TMEM269: variants seen among roughly 807,000 people sequenced by gnomAD.
The protein encoded by TMEM269 is transmembrane protein 269.
TMEM269 carries 12 observed loss-of-function variants against 15.8 expected under a neutral mutation model. The ratio of observed to expected loss-of-function variants is 0.76; its 90% CI spans 0.49 to 1.23. The LOEUF is 1.23. Among genes scored for constraint, TMEM269 ranks in the 50% most tolerant of loss-of-function variants. The probability of loss-of-function intolerance (pLI) is 0.00; values close to 1 mark genes in which losing one functional copy is unlikely to be tolerated. For synonymous variants in TMEM269, 93 were observed against 99.3 expected (o/e 0.94, Z 0.38); for missense variants, 211 against 245.4 (o/e 0.86, Z 0.94).
chr1:42,796,092 G>A (rs894175778), intron 5 of TMEM269, among the ~76,000 whole-genome samples: 4 of 152,142 alleles, frequency 2.6e-5, no homozygotes, highest in African/African-American at 4.8e-5. Flanking sequence ...TCTGTAAAAC[G>A]AAGCCACTAA....
intron 2 of TMEM269, among the ~76,000 whole-genome samples, chr1:42,790,272 G>A (rs1361286107): frequency 6.6e-6 from 1 of 152,146 alleles, no homozygotes; most frequent in Non-Finnish European, 1.5e-5. Flanking sequence ...TGGGAGGTCC[G>A]AGACATTATA....
chr1:42,791,817 C>CA (rs1653692293), intron 2 of TMEM269, among the ~76,000 whole-genome samples: 1 of 152,184 alleles, frequency 6.6e-6, no homozygotes, highest in African/African-American at 2.4e-5. Context: ...GCCTGGCCAA[C>CA]ATGGTGAAAC....
chr1:42,794,794 G>A (rs1653765173), intron 5 of TMEM269, among the ~76,000 whole-genome samples, 181 bp downstream of exon 5: 1 of 152,098 alleles, frequency 6.6e-6, no homozygotes. Flanking sequence ...CCCCAATAGA[G>A]GACTCTCTTT....
chr1:42,791,057 A>G (rs768745034), intron 2 of TMEM269, among the ~76,000 whole-genome samples: 17 of 152,240 alleles, frequency 1.1e-4, no homozygotes, highest in Non-Finnish European at 2.4e-4. Flanking sequence ...GGGGTATGAA[A>G]GAGCTCATGG....
chr1:42,791,605 A>G (rs1653687098), intron 2 of TMEM269, among the ~76,000 whole-genome samples: 1 of 152,222 alleles, frequency 6.6e-6, no homozygotes, highest in South Asian at 2.1e-4. Flanking sequence ...TTGAATGCAT[A>G]TAGTCAAGAA....
chr1:42,787,291 TG>T, intron 1 of TMEM269, among the ~76,000 whole-genome samples: 1 of 152,294 alleles, frequency 6.6e-6, no homozygotes, highest in African/African-American at 2.4e-5. Flanking sequence ...TTGCTTTACC[TG>T]GAAAGTAGGG....
In TMEM269 at chr1:42,800,072, T is replaced by C. The variant is rs1191242110; in HGVS notation, c.*1847T>C. On this transcript the variant is annotated 3_prime_UTR_variant, in exon 6 of 6. Coordinates refer to ENST00000637012, the MANE Select transcript of TMEM269 (RefSeq NM_001354602.2). ...TTCTGAAAGAGAATTTCCATGTCCA[T>C]TTTAAGTGACAGCAGCAGAGAGAAA... is the stretch of plus-strand genomic sequence containing the variant. The C allele has an allele frequency of 6.6e-6, 1 of 152,204 alleles. No homozygotes were observed. Among genetic ancestry groups the C allele is most frequent in the African/African-American group, 2.4e-5 (1 of 41,450 alleles). The allele number at this position is 152,204 out of a possible 1,614,324, so 9.4% of individuals were successfully genotyped here.
At chr1:42,789,769 C>A in intron 1 of TMEM269, 27 bp from the exon 2 acceptor site, 1 of 1,304,516 alleles carries the variant, frequency 7.7e-7, no homozygotes, top group Non-Finnish European at 1.1e-6. Context: ...CCTTGGGAAC[C>A]CTTCGCCCCT....
chr1:42,793,669 G>A lies in TMEM269; in HGVS notation c.208G>A (p.Asp70Asn). The A allele has an allele frequency of 1.3e-6, 2 of 1,550,610 alleles. No homozygotes were observed. The highest frequency in any genetic ancestry group is 2.4e-5 in the East Asian group (1 of 40,916). ...GLASALLLGV[D>N]GLLSGILAII... ...GGCCTCCGCTCTGCTCCTAGGCGTG[G>A]ATGGACTTCTGAGTGGGATCCTGGC... is the stretch of plus-strand genomic sequence containing the variant. Residue 70 changes from aspartate to asparagine, a missense_variant, in exon 4 of 6, where the codon GAT becomes AAT. Physicochemically the swap from Asp to Asn is conservative, Grantham distance 23 (BLOSUM62 1). Coordinates refer to ENST00000637012, the MANE Select transcript of TMEM269 (RefSeq NM_001354602.2).
At position 42,798,431 on chromosome 1, in the gene TMEM269, G is replaced by T. The variant is rs531753201; in HGVS notation, c.*206G>T. On this transcript the variant is annotated 3_prime_UTR_variant, in exon 6 of 6. Coordinates refer to ENST00000637012, the MANE Select transcript of TMEM269 (RefSeq NM_001354602.2). ...TTATTCAGGGTTCTGACTCCCTTGC[G>T]GACAATACTTGTTTATGTCATGTAG... 2.8e-5 allele frequency: 17 copies of T among 611,028 alleles called. No homozygotes were observed. The South Asian group carries it at 3.2e-4, about 12-fold the overall frequency. The allele number at this position is 611,028 out of a possible 1,614,324, so 37.9% of individuals were successfully genotyped here. A position where few individuals can be genotyped will look rare whatever the true frequency, so the allele number is the denominator to read the frequency against.
Position 42,797,723 on chromosome 1 carries a change from C to T in TMEM269, c.485-375C>T. 2.2e-6 allele frequency: 1 copy of T among 456,986 alleles called. No homozygotes were observed. Among genetic ancestry groups the T allele is most frequent in the Non-Finnish European group, 4.4e-6 (1 of 224,758 alleles). The allele number at this position is 456,986 out of a possible 1,614,324, so 28.3% of individuals were successfully genotyped here. A position where few individuals can be genotyped will look rare whatever the true frequency, so the allele number is the denominator to read the frequency against. Reference sequence around the variant, plus strand: ...AACTCTTTTCTGCATACATATCATACTGCATTGGTCGTTATCACATGTTAA... The same window carrying T: ...AACTCTTTTCTGCATACATATCATATTGCATTGGTCGTTATCACATGTTAA... On this transcript the variant is annotated intron_variant, in intron 5 of 5. Coordinates refer to ENST00000637012, the MANE Select transcript of TMEM269 (RefSeq NM_001354602.2). The surrounding 1 kb of genome is among the most constrained non-coding windows in gnomAD (Gnocchi z 4.9).
rs1653835539 is a variant in TMEM269, at chr1:42,798,744, T to TTTTG, written c.*522_*523insGTTT. 1 of 135,928 alleles carries TTTTG rather than the reference T, an allele frequency of 7.4e-6. No individual in the cohort carries two copies. The highest frequency in any genetic ancestry group is 1.6e-5 in the Non-Finnish European group (1 of 63,102). The allele number at this position is 135,928 out of a possible 1,614,324, so 8.4% of individuals were successfully genotyped here. On this transcript the variant is annotated 3_prime_UTR_variant, in exon 6 of 6. Coordinates refer to ENST00000637012, the MANE Select transcript of TMEM269 (RefSeq NM_001354602.2). ...TTCAACATTCTGGGTTTTTTTTTTT[T>TTTTG]TTTTTTTTTTTTTTTTGAGAAGGAG...
At position 42,797,795 on chromosome 1, in the gene TMEM269, G is replaced by A. The variant is rs1042864968; in HGVS notation, c.485-303G>A. 1 of 540,690 alleles carries A rather than the reference G, an allele frequency of 1.8e-6. No homozygotes were observed. The highest frequency in any genetic ancestry group is 1.9e-5 in the African/African-American group (1 of 52,598). 33.5% of individuals were successfully genotyped at this position (540,690 alleles called of 1,614,324 possible). A position where few individuals can be genotyped will look rare whatever the true frequency, so the allele number is the denominator to read the frequency against. On this transcript the variant is annotated intron_variant, in intron 5 of 5. Transcript: ENST00000637012. This position sits in a 1 kb window ranked among gnomAD's most constrained non-coding sequence, Gnocchi z 4.9. ...TTTTTTTTCCTAACAAGGGTTTTTG[G>A]TTTTTGTCTTGGTTTGTTTTGTTTT...
Position 42,800,538 on chromosome 1 carries a change from T to C in TMEM269, c.*2313T>C, listed in dbSNP as rs1200574532. ...GAGAGAGTGTAGATTTCCCTCCTGG[T>C]CAACTTCTAGTCCCTTCTTCCTAAC... is the stretch of plus-strand genomic sequence containing the variant. On this transcript the variant is annotated 3_prime_UTR_variant, in exon 6 of 6. Transcript: ENST00000637012. 6.6e-6 allele frequency: 1 copy of C among 151,490 alleles called. No homozygotes were observed. The highest frequency in any genetic ancestry group is 2.4e-5 in the African/African-American group (1 of 41,202). 9.4% of individuals were successfully genotyped at this position (151,490 alleles called of 1,614,324 possible).
chr1:42,791,041 G>A (rs182249387), intron 2 of TMEM269, among the ~76,000 whole-genome samples: 14 of 152,274 alleles, frequency 9.2e-5, no homozygotes, highest in African/African-American at 3.1e-4. Context: ...ACAGAATCAA[G>A]AATGTGGGGT....
intron 1 of TMEM269, chr1:42,789,531 GCAGT>G: frequency 6.6e-7 from 1 of 1,524,288 alleles, no homozygotes; most frequent in South Asian, 1.2e-5. Flanking sequence ...GGGCAAAGGT[GCAGT>G]CAGAGAGGGA....
rs1378951724 is a variant in TMEM269, at chr1:42,788,632, C to T, written c.-98-1164C>T. 3.9e-5 allele frequency among the ~76,000 whole-genome samples: 6 copies of T among 152,148 alleles called. No homozygotes were observed. Among genetic ancestry groups the T allele is most frequent in the Non-Finnish European group, 8.8e-5 (6 of 68,030 alleles). ...ACACACAGGGAGGCTGCTGCTGCCT[C>T]GCAGGCCTGGCCATTGAGCTCGTTC... is the stretch of plus-strand genomic sequence containing the variant. On this transcript the variant is annotated intron_variant, in intron 1 of 5. Transcript: ENST00000637012. This position sits in a 1 kb window ranked among gnomAD's most constrained non-coding sequence, Gnocchi z 4.0.
rs1035733759 is a variant in TMEM269 at position 42,797,663 on chromosome 1, C to G, written c.485-435C>G. ...GCCAAGGGCCAGCCTTGCAAGAAGG[C>G]CTTTCTGAGGATAGCAGTCTCAGGC... On this transcript the variant is annotated intron_variant, in intron 5 of 5. Coordinates refer to ENST00000637012, the MANE Select transcript of TMEM269 (RefSeq NM_001354602.2). The surrounding 1 kb of genome is among the most constrained non-coding windows in gnomAD (Gnocchi z 4.9). Among the ~76,000 whole-genome samples, 4 of 152,198 alleles carry G rather than the reference C, an allele frequency of 2.6e-5. No individual in the cohort carries two copies. The highest frequency in any genetic ancestry group is 7.2e-5 in the African/African-American group (3 of 41,448).
At chr1:42,786,069 G>A (rs1272896708) in intron 1 of TMEM269, among the ~76,000 whole-genome samples, 1 of 152,236 alleles carries the variant, frequency 6.6e-6, no homozygotes, top group Non-Finnish European at 1.5e-5. Context: ...AAGACCATAA[G>A]AACTGGGTAG....
Sources: allele counts gnomAD v4.1 joint callset (sites outside exome capture counted in the v4.1 genomes callset), GRCh38; gene constraint gnomAD v4.1.1; non-coding constraint Gnocchi (gnomAD v3.1); transcripts MANE v1.5; gene names NCBI Gene and HGNC (gene_info 2026-07-23, HGNC 2026-07-21).